The following TRAPPC9 variants were observed in gnomAD, a reference collection of about 807,000 sequenced individuals.
TRAPPC9 encodes the protein IKK2 binding protein.
In TRAPPC9, 83 loss-of-function variants were observed where a neutral mutation model predicts 124.0. That is an observed-to-expected ratio of 0.67 (90% CI 0.56 to 0.80). The LOEUF (loss-of-function observed/expected upper bound fraction) is 0.80, where lower values mean the gene tolerates loss of function less well. Among genes scored for constraint, TRAPPC9 ranks in the 30% least tolerant of loss-of-function variants. TRAPPC9 has a pLI of 0.00. For missense variants in TRAPPC9, 1,302 were observed against 1,508.3 expected, an observed-to-expected ratio of 0.86 and a Z score of 2.27; for synonymous variants, 638 against 617.5, an observed-to-expected ratio of 1.03 and a Z score of -0.49.
At chr8:140,335,084 T>C (rs1358774237) in intron 9 of TRAPPC9, among the ~76,000 whole-genome samples, 2 of 152,086 alleles carry the variant, frequency 1.3e-5, no homozygotes, top group South Asian at 4.1e-4. Context: ...TTGAGAAAGA[T>C]GGTTTGAATC....
intron 21 of TRAPPC9, among the ~76,000 whole-genome samples, chr8:139,848,516 T>G (rs61305817): frequency 0.017 from 2,588 of 151,016 alleles, 67 homozygotes; most frequent in African/African-American, 0.059. Flanking sequence ...ATATGTGAGA[T>G]ATATATATAT....
chr8:140,215,739 C>T (rs922575300), intron 17 of TRAPPC9, among the ~76,000 whole-genome samples: 2 of 152,110 alleles, frequency 1.3e-5, no homozygotes, highest in Non-Finnish European at 2.9e-5. Flanking sequence ...TAAACTTCCG[C>T]TTCCCCACTC....
At position 139,729,167 on chromosome 8, in the gene TRAPPC9, C is replaced by T. The variant is rs1032637263; in HGVS notation, c.*1894G>A. 6.6e-6 allele frequency among the ~76,000 whole-genome samples: 1 copy of T among 152,222 alleles called. No homozygotes were observed. The highest frequency in any genetic ancestry group is 2.4e-5 in the African/African-American group (1 of 41,460). On this transcript the variant is annotated 3_prime_UTR_variant, in exon 23 of 23. Transcript: ENST00000438773. ...AACTCCAGTTCAGGTCACTCTTCTA[C>T]AGGGGATGTGTATCCTTTCTACCTT...
intron 17 of TRAPPC9, among the ~76,000 whole-genome samples, chr8:140,092,864 T>G (rs1844666194): frequency 6.6e-6 from 1 of 152,252 alleles, no homozygotes; most frequent in Non-Finnish European, 1.5e-5. Context: ...AAGAACTTGA[T>G]TCTAGGCTCA....
intron 21 of TRAPPC9, among the ~76,000 whole-genome samples, chr8:139,743,014 C>T (rs1327704639): frequency 6.6e-6 from 1 of 152,178 alleles, no homozygotes; most frequent in African/African-American, 2.4e-5. Context: ...ATGTCTGCCT[C>T]ACTCAGAGTG....
chr8:140,202,567 T>C (rs1001190071), intron 17 of TRAPPC9, among the ~76,000 whole-genome samples: 2 of 152,192 alleles, frequency 1.3e-5, no homozygotes, highest in African/African-American at 4.8e-5. Flanking sequence ...GAAAAACCTT[T>C]CATAGAACTT....
intron 17 of TRAPPC9, among the ~76,000 whole-genome samples, chr8:140,064,644 A>T (rs1196066159): frequency 6.6e-6 from 1 of 152,252 alleles, no homozygotes; most frequent in East Asian, 1.9e-4. Context: ...GGCTAAGTGC[A>T]GCGGCAGGAA....
Position 140,351,647 on chromosome 8 carries a change from T to C in TRAPPC9, c.1495+8403A>G, listed in dbSNP as rs576681527. Among the ~76,000 whole-genome samples, 342 of 152,266 alleles carry C rather than the reference T, an allele frequency of 2.2e-3. 1 individual carries two copies. The highest frequency in any genetic ancestry group is 6.8e-3 in the Middle Eastern group (2 of 294). On this transcript the variant is annotated intron_variant, in intron 9 of 22. Transcript: ENST00000438773. ...TAAATAAACAAACTATATGGGAGGA[T>C]GTGTATAAGTTATATGCAAATACTA...
At chr8:140,037,134 T>C (rs1840947202) in intron 17 of TRAPPC9, among the ~76,000 whole-genome samples, 1 of 151,980 alleles carries the variant, frequency 6.6e-6, no homozygotes, top group Non-Finnish European at 1.5e-5. Context: ...CAGCAAAGAA[T>C]AAAATAGTTA....
intron 21 of TRAPPC9, among the ~76,000 whole-genome samples, chr8:139,822,501 T>G (rs922807702): frequency 3.9e-5 from 6 of 152,152 alleles, no homozygotes; most frequent in African/African-American, 1.4e-4. Flanking sequence ...TCCGGGCCTG[T>G]GTATTGACAC....
chr8:139,940,594 A>G (rs1177677119), intron 19 of TRAPPC9, among the ~76,000 whole-genome samples: 1 of 152,222 alleles, frequency 6.6e-6, no homozygotes, highest in East Asian at 1.9e-4. Context: ...CCTGGGCTCA[A>G]AGGTGCAGAG....
intron 17 of TRAPPC9, among the ~76,000 whole-genome samples, chr8:140,165,297 C>G (rs1210403914): frequency 1.3e-5 from 2 of 151,844 alleles, no homozygotes; most frequent in Admixed American, 6.6e-5. Flanking sequence ...GCCAAGATCG[C>G]ACCACTATAC....
chr8:139,965,266 TC>T (rs1029106629), intron 19 of TRAPPC9, among the ~76,000 whole-genome samples: 4 of 152,184 alleles, frequency 2.6e-5, no homozygotes. Flanking sequence ...TTTAGGATAG[TC>T]CTGTGTTTTC....
chr8:140,137,514 G>A (rs779604009), intron 17 of TRAPPC9, among the ~76,000 whole-genome samples: 11 of 152,170 alleles, frequency 7.2e-5, no homozygotes, highest in African/African-American at 1.9e-4. Flanking sequence ...GGTGCCTACC[G>A]CAGACCGGCC....
chr8:140,360,131 G>A lies in TRAPPC9; in HGVS notation c.1414C>T (p.Arg472Ter), dbSNP rs267607137. Residue 472 changes from arginine to a stop codon, truncating the protein, a stop_gained, in exon 9 of 23, where the codon CGA becomes TGA. Coordinates refer to ENST00000438773, the MANE Select transcript of TRAPPC9 (RefSeq NM_001160372.4). LOFTEE classifies it high-confidence loss of function. ...GAGAGGGCAGGGTTCCCCATCCTTCGGGAGGCGTAGACCAATTCATGGAGC... is the reference window on the plus strand; with the variant it reads ...GAGAGGGCAGGGTTCCCCATCCTTCAGGAGGCGTAGACCAATTCATGGAGC... ...RLLHELVYAS[R>*]RMGNPALSVR... 61 of 1,614,070 alleles carry A rather than the reference G, an allele frequency of 3.8e-5. No homozygotes were observed. Among genetic ancestry groups the A allele is most frequent in the Admixed American group, 5.0e-5 (3 of 60,004 alleles).
intron 20 of TRAPPC9, among the ~76,000 whole-genome samples, chr8:139,891,969 G>A (rs915032296): frequency 2.6e-4 from 39 of 152,336 alleles, no homozygotes; most frequent in East Asian, 1.9e-4. Context: ...CAGAGGCTGC[G>A]TTCTCAGCCA....
intron 17 of TRAPPC9, among the ~76,000 whole-genome samples, chr8:140,128,090 T>C (rs1477754028): frequency 2.0e-5 from 3 of 152,258 alleles, no homozygotes; most frequent in Non-Finnish European, 4.4e-5. Flanking sequence ...CAATGGCATA[T>C]ACAAAAGTTA....
chr8:140,351,646 A>T (rs1244249088), intron 9 of TRAPPC9, among the ~76,000 whole-genome samples: 54 of 152,136 alleles, frequency 3.5e-4, no homozygotes, highest in Non-Finnish European at 1.5e-5. Context: ...ATATGGGAGG[A>T]TGTGTATAAG....
At chr8:140,240,902 G>A (rs991914060) in intron 16 of TRAPPC9, among the ~76,000 whole-genome samples, 4 of 152,110 alleles carry the variant, frequency 2.6e-5, no homozygotes, top group African/African-American at 9.7e-5. Flanking sequence ...AGTTGTCAGC[G>A]GCTCTCCAGT....
Sources: gnomAD v4.1 joint callset for allele counts (sites outside exome capture counted in the v4.1 genomes callset) on GRCh38, gnomAD v4.1.1 for gene constraint, MANE v1.5 for transcripts, NCBI Gene and HGNC (gene_info 2026-07-23, HGNC 2026-07-21) for gene names.